Variants in SUSD4 observed in about 807,000 individuals in gnomAD.
The protein encoded by SUSD4 is sushi domain containing 4, also known as sushi domain-containing protein 4.
SUSD4 carries 41 observed loss-of-function variants against 50.5 expected under a neutral mutation model. The ratio of observed to expected loss-of-function variants is 0.81; its 90% CI spans 0.63 to 1.05. The LOEUF (loss-of-function observed/expected upper bound fraction) is 1.05. Ranked by LOEUF, SUSD4 falls within the 50% of genes least tolerant of loss-of-function variation. The pLI, the probability that SUSD4 is intolerant of heterozygous loss-of-function variation, is 0.00. For missense variants in SUSD4, 580 were observed against 634.7 expected, an observed-to-expected ratio of 0.91 and a Z score of 0.93; for synonymous variants, 257 against 257.3, an observed-to-expected ratio of 1.00 and a Z score of 0.01.
intron 2 of SUSD4, chr1:223,359,271 T>C: frequency 2.6e-6 from 1 of 391,100 alleles, no homozygotes; most frequent in Non-Finnish European, 5.3e-6. Context: ...CTAACCTATT[T>C]TTCCTTCTAC....
chr1:223,344,013 C>CA (rs1667900816), intron 2 of SUSD4, among the ~76,000 whole-genome samples: 1 of 152,180 alleles, frequency 6.6e-6, no homozygotes, highest in Non-Finnish European at 1.5e-5. Context: ...AATGTATGAG[C>CA]ACACAGCACT....
intron 2 of SUSD4, among the ~76,000 whole-genome samples, chr1:223,323,541 T>C (rs1293789214): frequency 6.6e-6 from 1 of 152,040 alleles, no homozygotes; most frequent in Non-Finnish European, 1.5e-5. Flanking sequence ...GGTCCAGCCA[T>C]GAGGCTGCCA....
intron 5 of SUSD4, among the ~76,000 whole-genome samples, chr1:223,260,889 A>G (rs1662072295): frequency 2.0e-5 from 3 of 152,206 alleles, no homozygotes. Context: ...GGTATCAACT[A>G]TGAGATTGTT....
At chr1:223,265,071 T>C (rs947829571) in intron 4 of SUSD4, among the ~76,000 whole-genome samples, 2 of 152,110 alleles carry the variant, frequency 1.3e-5, no homozygotes, top group African/African-American at 4.8e-5. Flanking sequence ...GGGAGGGTGG[T>C]GAATGTCTGA....
At chr1:223,321,889 G>A (rs756357017) in intron 2 of SUSD4, among the ~76,000 whole-genome samples, 27 of 152,160 alleles carry the variant, frequency 1.8e-4, no homozygotes, top group Non-Finnish European at 3.5e-4. Flanking sequence ...TCTAATACGG[G>A]TAGAGTATCT....
chr1:223,322,784 C>T (rs756971151), intron 2 of SUSD4, among the ~76,000 whole-genome samples: 23 of 152,222 alleles, frequency 1.5e-4, no homozygotes, highest in Admixed American at 6.5e-4. Flanking sequence ...AACCCCCTGA[C>T]TAGGGTAAGC....
At chr1:223,309,840 G>C (rs932260563) in intron 2 of SUSD4, among the ~76,000 whole-genome samples, 1 of 152,124 alleles carries the variant, frequency 6.6e-6, no homozygotes, top group Non-Finnish European at 1.5e-5. Context: ...ATCTTATTTT[G>C]TCACTCATAA....
intron 5 of SUSD4, among the ~76,000 whole-genome samples, chr1:223,260,090 G>C (rs965258494): frequency 1.3e-5 from 2 of 152,132 alleles, no homozygotes; most frequent in Admixed American, 6.5e-5. Flanking sequence ...TTACAATTGT[G>C]ATATCATCTC....
chr1:223,249,411 G>T (rs1661156077), intron 5 of SUSD4, among the ~76,000 whole-genome samples: 1 of 152,174 alleles, frequency 6.6e-6, no homozygotes, highest in Non-Finnish European at 1.5e-5. Flanking sequence ...CTGGACCAAA[G>T]TGCCACACAG....
intron 2 of SUSD4, among the ~76,000 whole-genome samples, chr1:223,352,554 G>T (rs180952476): frequency 6.6e-6 from 1 of 152,280 alleles, no homozygotes; most frequent in Admixed American, 6.5e-5. Flanking sequence ...GCTGCAGCAA[G>T]GTACTCTTGG....
In SUSD4 at chr1:223,241,088, G is replaced by C. The variant is rs373566376; in HGVS notation, c.725-11700C>G. 5.5e-4 allele frequency among the ~76,000 whole-genome samples: 83 copies of C among 152,282 alleles called. 1 individual carries two copies. The South Asian group carries it at 0.016, about 29-fold the overall frequency. On this transcript the variant is annotated intron_variant, in intron 5 of 8. Coordinates refer to ENST00000366878, the MANE Select transcript of SUSD4 (RefSeq NM_017982.4). ...AGGATGGCTAGAGGGGGCAGGAGTT[G>C]GGTGCTTCCCTTCCTCCGAGTCAGT...
chr1:223,240,067 G>A (rs922224895), intron 5 of SUSD4, among the ~76,000 whole-genome samples: 1 of 151,824 alleles, frequency 6.6e-6, no homozygotes, highest in Non-Finnish European at 1.5e-5. Context: ...TTCTAGGTTG[G>A]TTGGGTTTTT....
At chr1:223,309,127 C>T (rs770433408) in intron 2 of SUSD4, among the ~76,000 whole-genome samples, 13 of 152,104 alleles carry the variant, frequency 8.5e-5, no homozygotes, top group Non-Finnish European at 1.2e-4. Context: ...CAGGGTAAGA[C>T]ATAGAACAAA....
chr1:223,222,162 G>A lies in SUSD4; in HGVS notation c.*30C>T. The A allele has an allele frequency of 6.2e-7, 1 of 1,611,182 alleles. No homozygotes were observed. The highest frequency in any genetic ancestry group is 8.5e-7 in the Non-Finnish European group (1 of 1,178,726). ...GATACAAGGTCCTTTCCCCGAAGGA[G>A]CAGGAGAGTCATCTGGATCTTGACC... On this transcript the variant is annotated 3_prime_UTR_variant, in exon 9 of 9. Transcript: ENST00000366878.
chr1:223,344,086 G>C (rs553282913), intron 2 of SUSD4, among the ~76,000 whole-genome samples: 3 of 152,324 alleles, frequency 2.0e-5, no homozygotes, highest in African/African-American at 7.2e-5. Context: ...AATGGAATGT[G>C]AGTCATAATT....
At chr1:223,247,297 C>T (rs930123953) in intron 5 of SUSD4, among the ~76,000 whole-genome samples, 10 of 152,212 alleles carry the variant, frequency 6.6e-5, no homozygotes, top group African/African-American at 2.4e-4. Context: ...ATAACTACTA[C>T]TTTCACGCTT....
At chr1:223,310,668 C>A (rs1195286526) in intron 2 of SUSD4, among the ~76,000 whole-genome samples, 1 of 152,124 alleles carries the variant, frequency 6.6e-6, no homozygotes, top group African/African-American at 2.4e-5. Context: ...GGTGATTTTT[C>A]TATTTTTCCT....
chr1:223,244,164 G>T (rs1029008466), intron 5 of SUSD4, among the ~76,000 whole-genome samples: 5 of 152,166 alleles, frequency 3.3e-5, no homozygotes, highest in African/African-American at 1.2e-4. Flanking sequence ...CTCCCACCGG[G>T]GTTTGGAAGG....
intron 6 of SUSD4, among the ~76,000 whole-genome samples, chr1:223,228,345 C>G (rs1057395593): frequency 6.6e-6 from 1 of 152,204 alleles, no homozygotes; most frequent in Non-Finnish European, 1.5e-5. Flanking sequence ...CTCTTAGACA[C>G]TCTCTTTGCA....
Sources: gnomAD v4.1 joint callset for allele counts (sites outside exome capture counted in the v4.1 genomes callset) on GRCh38, gnomAD v4.1.1 for gene constraint, MANE v1.5 for transcripts, NCBI Gene and HGNC (gene_info 2026-07-23, HGNC 2026-07-21) for gene names.